DGKB: variants seen among roughly 807,000 people sequenced by gnomAD.
DGKB encodes diacylglycerol kinase beta.
In DGKB, 67 loss-of-function variants were observed where a neutral mutation model predicts 114.3. That is an observed-to-expected ratio of 0.59 (90% CI 0.48 to 0.72). DGKB has a LOEUF of 0.72. DGKB is among the 30% of genes least tolerant of loss of function. The pLI, the probability that DGKB is intolerant of heterozygous loss-of-function variation, is 0.00. For missense variants in DGKB, 907 were observed against 975.2 expected (o/e 0.93, Z 0.93); for synonymous variants, 398 against 323.1 (o/e 1.23, Z -2.49).
intron 17 of DGKB, among the ~76,000 whole-genome samples, chr7:14,585,614 C>T (rs888825507): frequency 6.6e-6 from 1 of 152,160 alleles, no homozygotes; most frequent in African/African-American, 2.4e-5. Context: ...AAAGTGCATT[C>T]TTGTACAGGC....
intron 21 of DGKB, among the ~76,000 whole-genome samples, chr7:14,412,136 G>T (rs1472114409): frequency 6.6e-6 from 1 of 152,122 alleles, no homozygotes; most frequent in South Asian, 2.1e-4. Context: ...GTATGCATAG[G>T]CACAGAGAAA....
intron 1 of DGKB, among the ~76,000 whole-genome samples, chr7:14,872,325 T>C (rs1397331276): frequency 1.3e-5 from 2 of 152,166 alleles, no homozygotes; most frequent in Non-Finnish European, 2.9e-5. Flanking sequence ...TTAAAACATT[T>C]TGCTGATGAT....
intron 9 of DGKB, among the ~76,000 whole-genome samples, chr7:14,687,125 T>C (rs1032656564): frequency 4.6e-5 from 7 of 151,936 alleles, no homozygotes; most frequent in Admixed American, 6.6e-5. Context: ...GTCGTTCCCA[T>C]GAGATTTTGG....
chr7:14,742,857 TCCAAGTAACTTTTTG>T (rs1564076954), intron 4 of DGKB, among the ~76,000 whole-genome samples: 1 of 152,188 alleles, frequency 6.6e-6, no homozygotes, highest in Admixed American at 6.5e-5. Flanking sequence ...GGCATGGAAA[TCCAAGTAACTTTTTG>T]CCTAGGGTTA....
chr7:14,631,999 T>C (rs1207302508), intron 13 of DGKB, among the ~76,000 whole-genome samples: 1 of 151,924 alleles, frequency 6.6e-6, no homozygotes, highest in Non-Finnish European at 1.5e-5. Flanking sequence ...AGATGCCTTT[T>C]ACCTTAGAAG....
Position 14,780,838 on chromosome 7 carries a change from AG to A in DGKB, c.71-23108del, listed in dbSNP as rs577965302. ...TGGCATCATAACGTAGTTTCTGAGA[AG>A]GCTTGCTATTCTTTGTTCCCACCTC... On this transcript the variant is annotated intron_variant, in intron 2 of 25. Coordinates refer to ENST00000402815, the MANE Select transcript of DGKB (RefSeq NM_001350709.2). 8.5e-5 allele frequency among the ~76,000 whole-genome samples: 13 copies of A among 152,338 alleles called. No homozygotes were observed. The East Asian group carries it at 2.5e-3, about 29-fold the overall frequency.
chr7:14,387,271 G>C (rs1028953136), intron 21 of DGKB, among the ~76,000 whole-genome samples: 3 of 151,826 alleles, frequency 2.0e-5, no homozygotes, highest in Non-Finnish European at 4.4e-5. Context: ...AAATTAGCTG[G>C]GCGAGGTAGC....
intron 13 of DGKB, among the ~76,000 whole-genome samples, chr7:14,630,691 TG>T (rs1809518633): frequency 6.6e-6 from 1 of 152,068 alleles, no homozygotes; most frequent in African/African-American, 2.4e-5. Context: ...ACATAGCTTA[TG>T]ATGTTCATTT....
chr7:14,283,079 G>C (rs533790313), intron 23 of DGKB, among the ~76,000 whole-genome samples: 2 of 151,742 alleles, frequency 1.3e-5, no homozygotes, highest in Non-Finnish European at 2.9e-5. Flanking sequence ...AATTGTCCCT[G>C]TTTGCAGATG....
In DGKB at chr7:14,203,634, G is replaced by A. The variant is rs141489358; in HGVS notation, c.2123-25483C>T. ...AACTGAAGGGGTCACCATTCACATT[G>A]TGGTCTAAATGAATGGCATCTTCTT... On this transcript the variant is annotated intron_variant, in intron 23 of 25. Coordinates refer to ENST00000402815, the MANE Select transcript of DGKB (RefSeq NM_001350709.2). 7.7e-3 allele frequency among the ~76,000 whole-genome samples: 1,164 copies of A among 152,042 alleles called. 14 individuals carry two copies. Among genetic ancestry groups the A allele is most frequent in the African/African-American group, 0.027 (1,125 of 41,502 alleles).
intron 9 of DGKB, among the ~76,000 whole-genome samples, chr7:14,693,785 A>T (rs1823327593): frequency 6.6e-6 from 1 of 152,056 alleles, no homozygotes; most frequent in African/African-American, 2.4e-5. Context: ...TAATATGAGG[A>T]GGTCAGTAAC....
At chr7:14,430,126 C>T (rs1828240274) in intron 21 of DGKB, among the ~76,000 whole-genome samples, 1 of 151,846 alleles carries the variant, frequency 6.6e-6, no homozygotes, top group Admixed American at 6.6e-5. Flanking sequence ...TCTCTGTGGC[C>T]CGTTTTGGGT....
intron 21 of DGKB, among the ~76,000 whole-genome samples, chr7:14,399,000 C>T (rs1018780188): frequency 1.3e-4 from 19 of 151,848 alleles, no homozygotes; most frequent in East Asian, 3.9e-4. Flanking sequence ...AACCCGCAGA[C>T]GTGAAGAGAA....
intron 1 of DGKB, among the ~76,000 whole-genome samples, chr7:14,893,602 G>A (rs1397327225): frequency 6.0e-5 from 9 of 151,132 alleles, no homozygotes; most frequent in Non-Finnish European, 8.9e-5. Context: ...GTTCGTTGCC[G>A]TTATCTCTTT....
chr7:14,587,576 T>C (rs1800989729), intron 17 of DGKB, among the ~76,000 whole-genome samples: 1 of 152,194 alleles, frequency 6.6e-6, no homozygotes, highest in Middle Eastern at 3.4e-3. Context: ...GCAAACAGCA[T>C]CACATGCTAG....
chr7:14,938,127 G>A (rs1785372575), intron 1 of DGKB, among the ~76,000 whole-genome samples: 1 of 152,170 alleles, frequency 6.6e-6, no homozygotes, highest in South Asian at 2.1e-4. Flanking sequence ...TATTTAAGCA[G>A]GTACACATCT....
At position 14,202,234 on chromosome 7, in the gene DGKB, A is replaced by G. The variant is rs796832984; in HGVS notation, c.2123-24083T>C. On this transcript the variant is annotated intron_variant, in intron 23 of 25. Transcript: ENST00000402815. ...AACTGGATTTTTTTTCTGGTAACCA[A>G]TAGCATTTCTTACTGATACAATTTT... Among the ~76,000 whole-genome samples, 5 of 152,094 alleles carry G rather than the reference A, an allele frequency of 3.3e-5. 1 individual carries two copies. Among genetic ancestry groups the G allele is most frequent in the African/African-American group, 1.2e-4 (5 of 41,524 alleles).
chr7:14,872,556 G>T (rs1852631626), intron 1 of DGKB, among the ~76,000 whole-genome samples: 1 of 152,080 alleles, frequency 6.6e-6, no homozygotes, highest in Non-Finnish European at 1.5e-5. Context: ...ATAAATTTTG[G>T]TTAAACGAAT....
intron 20 of DGKB, among the ~76,000 whole-genome samples, chr7:14,548,786 G>C (rs546093294): frequency 2.8e-4 from 43 of 152,072 alleles, no homozygotes; most frequent in Non-Finnish European, 5.7e-4. Flanking sequence ...CACGGTGATT[G>C]CAACAGTAAG....
Sources: allele counts gnomAD v4.1 joint callset (sites outside exome capture counted in the v4.1 genomes callset), GRCh38; gene constraint gnomAD v4.1.1; transcripts MANE v1.5; gene names NCBI Gene and HGNC (gene_info 2026-07-23, HGNC 2026-07-21).